Variants in TCF7L1 observed in about 807,000 individuals in gnomAD.
TCF7L1 encodes transcription factor 7 like 1, also known as transcription factor 7-like 1.
A neutral mutation model predicts 63.7 loss-of-function variants in TCF7L1; 18 were observed. The ratio of observed to expected loss-of-function variants is 0.28; its 90% CI spans 0.20 to 0.42. TCF7L1 has a LOEUF of 0.42. Ranked by LOEUF, TCF7L1 falls within the 10% of genes least tolerant of loss-of-function variation. The pLI is 1.00. For synonymous variants in TCF7L1, 355 were observed against 340.9 expected, an observed-to-expected ratio of 1.04 and a Z score of -0.46; for missense variants, 654 against 779.3, an observed-to-expected ratio of 0.84 and a Z score of 1.91.
intron 3 of TCF7L1, among the ~76,000 whole-genome samples, chr2:85,210,268 A>G (rs547321947): frequency 9.9e-5 from 15 of 152,252 alleles, no homozygotes; most frequent in East Asian, 1.9e-4. Context: ...GGGCATCCCC[A>G]TCTTCATTCT....
At chr2:85,241,602 T>A (rs1429509956) in intron 3 of TCF7L1, among the ~76,000 whole-genome samples, 1 of 151,944 alleles carries the variant, frequency 6.6e-6, no homozygotes, top group African/African-American at 2.4e-5. Context: ...CCCGCCACCA[T>A]GCCCAGCTAA....
intron 4 of TCF7L1, among the ~76,000 whole-genome samples, chr2:85,286,572 C>T: frequency 6.6e-6 from 1 of 151,952 alleles, no homozygotes. Context: ...CTTGGCTCAC[C>T]ACAACCTCTG....
intron 3 of TCF7L1, among the ~76,000 whole-genome samples, chr2:85,256,063 G>A (rs1040688790): frequency 3.3e-5 from 5 of 152,200 alleles, no homozygotes; most frequent in African/African-American, 9.7e-5. Flanking sequence ...GCAAGTGGGA[G>A]GGAAATAGTT....
rs571356698 is a variant in TCF7L1, at chr2:85,134,238, T to C, written c.314-85T>C. 1 of 1,473,802 alleles carries C rather than the reference T, an allele frequency of 6.8e-7. No individual in the cohort carries two copies. The highest frequency in any genetic ancestry group is 9.0e-7 in the Non-Finnish European group (1 of 1,111,258). 91.3% of individuals were successfully genotyped at this position (1,473,802 alleles called of 1,614,324 possible). A position where few individuals can be genotyped will look rare whatever the true frequency, so the allele number is the denominator to read the frequency against. On this transcript the variant is annotated intron_variant, in intron 2 of 11. Transcript: ENST00000282111. This position sits in a 1 kb window ranked among gnomAD's most constrained non-coding sequence, Gnocchi z 5.0. ...GGGGCGCGCGTGGGGGGCGCTGGGG[T>C]CCCCAGCTCCCGCCTCGAGCCCCCT...
At chr2:85,234,131 C>CTTTTTTT (rs35508338) in intron 3 of TCF7L1, among the ~76,000 whole-genome samples, 22 of 65,216 alleles carry the variant, frequency 3.4e-4, no homozygotes, top group South Asian at 5.2e-4. Flanking sequence ...TTTTTCTTTT[C>CTTTTTTT]TTTTTTTTTT....
intron 3 of TCF7L1, among the ~76,000 whole-genome samples, chr2:85,199,684 A>G (rs1469887184): frequency 6.6e-6 from 1 of 152,252 alleles, no homozygotes; most frequent in Non-Finnish European, 1.5e-5. Flanking sequence ...CCAGTTGGAT[A>G]TAAAGATTCA....
chr2:85,296,775 G>A (rs1681845795), intron 4 of TCF7L1, among the ~76,000 whole-genome samples: 1 of 152,108 alleles, frequency 6.6e-6, no homozygotes, highest in Admixed American at 6.6e-5. Context: ...TCACATTTGT[G>A]CCATTTGTAA....
chr2:85,161,978 G>A (rs1474962423), intron 3 of TCF7L1, among the ~76,000 whole-genome samples: 1 of 152,150 alleles, frequency 6.6e-6, no homozygotes, highest in Non-Finnish European at 1.5e-5. Flanking sequence ...GCCAGGTGTT[G>A]GGCCACAGGC....
At chr2:85,273,686 C>T (rs1044582897) in intron 3 of TCF7L1, among the ~76,000 whole-genome samples, 3 of 152,158 alleles carry the variant, frequency 2.0e-5, no homozygotes, top group African/African-American at 7.2e-5. Flanking sequence ...ATGGGCGACA[C>T]GGTGAGTGTT....
chr2:85,177,232 C>T (rs1678696752), intron 3 of TCF7L1, among the ~76,000 whole-genome samples: 1 of 152,140 alleles, frequency 6.6e-6, no homozygotes, highest in African/African-American at 2.4e-5. Context: ...TCCCATTCAT[C>T]AGGGCTCCAC....
intron 4 of TCF7L1, 133 bp downstream of exon 4, chr2:85,283,711 A>G: frequency 1.1e-6 from 1 of 945,998 alleles, no homozygotes. Flanking sequence ...ACAGTGAGGA[A>G]GAGCTGAGTG....
intron 3 of TCF7L1, among the ~76,000 whole-genome samples, chr2:85,208,128 G>A (rs891129490): frequency 7.2e-5 from 11 of 152,052 alleles, no homozygotes; most frequent in South Asian, 4.2e-4. Context: ...GGATGGTCTC[G>A]ATCTCCTGAC....
chr2:85,217,464 G>A (rs765446898), intron 3 of TCF7L1, among the ~76,000 whole-genome samples: 4 of 152,138 alleles, frequency 2.6e-5, no homozygotes, highest in Non-Finnish European at 4.4e-5. Flanking sequence ...TACTCATGTC[G>A]CAGCATAGGG....
chr2:85,299,349 A>G (rs1226573886), intron 4 of TCF7L1, among the ~76,000 whole-genome samples: 1 of 151,762 alleles, frequency 6.6e-6, no homozygotes, highest in African/African-American at 2.4e-5. Flanking sequence ...CAGGAGTTCA[A>G]AACCAGCCTG....
chr2:85,240,397 AGGGCT>A (rs1680296094), intron 3 of TCF7L1, among the ~76,000 whole-genome samples: 1 of 152,228 alleles, frequency 6.6e-6, no homozygotes, highest in Admixed American at 6.5e-5. Context: ...GAGGAGTCAA[AGGGCT>A]GATATGGGAA....
intron 3 of TCF7L1, among the ~76,000 whole-genome samples, chr2:85,235,280 C>T (rs754913843): frequency 9.2e-5 from 14 of 152,008 alleles, no homozygotes; most frequent in Non-Finnish European, 1.5e-4. Flanking sequence ...ACAAATAACA[C>T]GCTCATATTA....
intron 3 of TCF7L1, among the ~76,000 whole-genome samples, chr2:85,238,792 T>G: frequency 8.8e-6 from 1 of 113,674 alleles, no homozygotes; most frequent in Non-Finnish European, 1.7e-5. Context: ...TTTATTTATT[T>G]ATTTATTTAT....
At position 85,133,660 on chromosome 2, in the gene TCF7L1, GGCGGCCCCGGCCC is replaced by G. The variant is rs1167177828; in HGVS notation, c.-16_-4del. The G allele has an allele frequency of 1.1e-6, 1 of 911,814 alleles. No individual in the cohort carries two copies. Among genetic ancestry groups the G allele is most frequent in the African/African-American group, 1.8e-5 (1 of 55,312 alleles). The allele number at this position is 911,814 out of a possible 1,614,324, so 56.5% of individuals were successfully genotyped here. On this transcript the variant is annotated 5_prime_UTR_variant, in exon 1 of 12. Coordinates refer to ENST00000282111, the MANE Select transcript of TCF7L1 (RefSeq NM_031283.3). This position sits in a 1 kb window ranked among gnomAD's most constrained non-coding sequence, Gnocchi z 4.4. ...GCGGGCGGCTAGGGGCTCCGAGAGC[GGCGGCCCCGGCCC>G]GCGGCCCCACCATGCCCCAGCTCGG...
intron 3 of TCF7L1, among the ~76,000 whole-genome samples, chr2:85,212,854 G>C (rs978609913): frequency 6.6e-6 from 1 of 152,206 alleles, no homozygotes; most frequent in Non-Finnish European, 1.5e-5. Context: ...CAAGGTCACT[G>C]TGGGGTCCAA....
Sources: allele counts gnomAD v4.1 joint callset (sites outside exome capture counted in the v4.1 genomes callset), GRCh38; gene constraint gnomAD v4.1.1; non-coding constraint Gnocchi (gnomAD v3.1); transcripts MANE v1.5; gene names NCBI Gene and HGNC (gene_info 2026-07-23, HGNC 2026-07-21).